The following PRRC2B variants were observed in gnomAD, a reference collection of about 807,000 sequenced individuals.
PRRC2B encodes the protein proline rich coiled-coil 2B.
In PRRC2B, 68 loss-of-function variants were observed where a neutral mutation model predicts 242.3. The ratio of observed to expected loss-of-function variants is 0.28; its 90% CI spans 0.23 to 0.34. The LOEUF (loss-of-function observed/expected upper bound fraction) is 0.34. Among genes scored for constraint, PRRC2B ranks in the 10% least tolerant of loss-of-function variants. The pLI, the probability that PRRC2B is intolerant of heterozygous loss-of-function variation, is 1.00. For missense variants in PRRC2B, 2,835 were observed against 2,954.8 expected (o/e 0.96, Z 0.94); for synonymous variants, 1,228 against 1,173.6 (o/e 1.05, Z -0.95).
At chr9:131,381,621 G>T (rs1343632730) in intron 1 of PRRC2B, among the ~76,000 whole-genome samples, 1 of 151,928 alleles carries the variant, frequency 6.6e-6, no homozygotes, top group Non-Finnish European at 1.5e-5. Context: ...GGGTTTCACC[G>T]TGTTAGCCAG....
intron 1 of PRRC2B, among the ~76,000 whole-genome samples, chr9:131,406,381 G>A (rs1191751710): frequency 6.6e-6 from 1 of 152,178 alleles, no homozygotes; most frequent in Non-Finnish European, 1.5e-5. Flanking sequence ...CCTGTGTCTA[G>A]TCTGTTGTGT....
At chr9:131,478,784 C>G (rs1030770970) in intron 18 of PRRC2B, among the ~76,000 whole-genome samples, 165 bp downstream of exon 18, 1 of 152,106 alleles carries the variant, frequency 6.6e-6, no homozygotes, top group African/African-American at 2.4e-5. Context: ...CCTGCTATTA[C>G]CAAGGCCCTT....
At chr9:131,456,112 C>T (rs558542036) in intron 10 of PRRC2B, among the ~76,000 whole-genome samples, 1 of 147,292 alleles carries the variant, frequency 6.8e-6, no homozygotes, top group African/African-American at 2.5e-5. Flanking sequence ...AACTCTGTCT[C>T]AAAGGAAAAA....
In PRRC2B at chr9:131,484,668, C is replaced by T. The variant is rs764081654; in HGVS notation, c.5461-18C>T. The T allele has an allele frequency of 4.4e-6, 7 of 1,579,906 alleles. No homozygotes were observed. The South Asian group carries it at 4.6e-5, about 10-fold the overall frequency. On this transcript the variant is annotated intron_variant, in intron 23 of 31. Coordinates refer to ENST00000683519, the MANE Select transcript of PRRC2B (RefSeq NM_013318.4). ...TGCACCTGTTTGTGTTCCATGGTTT[C>T]CTTTTCCTCCTCTCCAGGCAGGGTT...
At chr9:131,476,998 G>A (rs1270206977) in intron 16 of PRRC2B, among the ~76,000 whole-genome samples, 1 of 152,228 alleles carries the variant, frequency 6.6e-6, no homozygotes, top group African/African-American at 2.4e-5. Flanking sequence ...AGGAGACGTG[G>A]CCCCACGGTG....
chr9:131,421,706 A>G (rs1235965833), intron 1 of PRRC2B, among the ~76,000 whole-genome samples: 1 of 152,184 alleles, frequency 6.6e-6, no homozygotes, highest in African/African-American at 2.4e-5. Context: ...TGAAATCTCT[A>G]GGTGCCCACA....
At chr9:131,440,664 A>G (rs559269706) in intron 5 of PRRC2B, among the ~76,000 whole-genome samples, 1 of 152,364 alleles carries the variant, frequency 6.6e-6, no homozygotes, top group Admixed American at 6.5e-5. Flanking sequence ...GATTGCAAAC[A>G]GTCCCTTGAA....
rs1010086722 is a variant in PRRC2B at position 131,446,724 on chromosome 9, C to G, written c.855+82C>G. ...ATAGGTCAAGTGGTTGAATGTCCCC[C>G]TTGGGGTCTCCTCTTGGCCCTGTTA... is the stretch of plus-strand genomic sequence containing the variant. On this transcript the variant is annotated intron_variant, in intron 7 of 31. Coordinates refer to ENST00000683519, the MANE Select transcript of PRRC2B (RefSeq NM_013318.4). The surrounding 1 kb of genome is among the most constrained non-coding windows in gnomAD (Gnocchi z 4.1). 6 of 1,502,536 alleles carry G rather than the reference C, an allele frequency of 4.0e-6. No homozygotes were observed. The highest frequency in any genetic ancestry group is 3.6e-5 in the Admixed American group (2 of 55,664). The allele number at this position is 1,502,536 out of a possible 1,614,324, so 93.1% of individuals were successfully genotyped here.
intron 28 of PRRC2B, among the ~76,000 whole-genome samples, chr9:131,490,255 GC>G (rs1944150969): frequency 1.3e-5 from 2 of 149,396 alleles, no homozygotes; most frequent in East Asian, 4.0e-4. Context: ...CCTTCAGCAG[GC>G]CTGTCAGCTC....
intron 1 of PRRC2B, among the ~76,000 whole-genome samples, chr9:131,415,845 C>G (rs562558408): frequency 2.0e-3 from 309 of 152,264 alleles, no homozygotes; most frequent in Non-Finnish European, 3.3e-3. Context: ...CTTTTTATAT[C>G]CATTGTTCTG....
rs1564301735 is a variant in PRRC2B at position 131,487,119 on chromosome 9, T to G, written c.5857-48T>G. 1.3e-6 allele frequency: 2 copies of G among 1,597,944 alleles called. No homozygotes were observed. Among genetic ancestry groups the G allele is most frequent in the Non-Finnish European group, 8.6e-7 (1 of 1,169,564 alleles). On this transcript the variant is annotated intron_variant, in intron 26 of 31. Coordinates refer to ENST00000683519, the MANE Select transcript of PRRC2B (RefSeq NM_013318.4). The surrounding 1 kb of genome is among the most constrained non-coding windows in gnomAD (Gnocchi z 5.3). ...GGGAGGTGGGAGGGGAAGAACCACC[T>G]GGATGGGCCTTGCGGTTACCTCCCC...
At chr9:131,452,091 ATTTTTGTAAGATCAGTATAAGATT>A (rs1942939620) in intron 9 of PRRC2B, among the ~76,000 whole-genome samples, 1 of 4,166 alleles carries the variant, frequency 2.4e-4, no homozygotes, top group Non-Finnish European at 1.5e-3. Flanking sequence ...TAAGATTGGT[ATTTTTGTAAGATCAGTATAAGATT>A]GGTATTTTTG....
intron 20 of PRRC2B, 113 bp downstream of exon 20, chr9:131,481,921 A>G: frequency 1.0e-6 from 1 of 967,810 alleles, no homozygotes; most frequent in South Asian, 1.4e-5. Flanking sequence ...ACAGCAGCTG[A>G]GCTTGGAATT....
intron 12 of PRRC2B, among the ~76,000 whole-genome samples, chr9:131,466,512 T>G (rs1342029841): frequency 6.6e-6 from 1 of 152,230 alleles, no homozygotes; most frequent in Non-Finnish European, 1.5e-5. Context: ...TTTTTTCCTT[T>G]ATATCCTTGC....
chr9:131,464,748 A>G lies in PRRC2B; in HGVS notation c.1405-15A>G. ...CCGGACCCACCGCCTTATCTCAGAGACATTCTCTTGGCAGAAGTCATCAAT... is the reference window on the plus strand; with the variant it reads ...CCGGACCCACCGCCTTATCTCAGAGGCATTCTCTTGGCAGAAGTCATCAAT... On this transcript the variant is annotated splice_polypyrimidine_tract_variant and intron_variant, in intron 11 of 31. Transcript: ENST00000683519. 1 of 1,562,568 alleles carries G rather than the reference A, an allele frequency of 6.4e-7. No individual in the cohort carries two copies. Among genetic ancestry groups the G allele is most frequent in the Non-Finnish European group, 8.7e-7 (1 of 1,152,034 alleles).
rs1353155142 is a variant in PRRC2B at position 131,388,113 on chromosome 9, G to A, written c.-56+14382G>A. Reference sequence around the variant, plus strand: ...AGAATCATTTGAACGCATTGTGGGCGGGGGGCCGAGGTTGCAGTGAGCCGA... The same window carrying A: ...AGAATCATTTGAACGCATTGTGGGCAGGGGGCCGAGGTTGCAGTGAGCCGA... On this transcript the variant is annotated intron_variant, in intron 1 of 1. Coordinates refer to the PRRC2B transcript ENST00000682525. 1.3e-5 allele frequency among the ~76,000 whole-genome samples: 2 copies of A among 149,640 alleles called. 1 individual carries two copies. Among genetic ancestry groups the A allele is most frequent in the Non-Finnish European group, 3.0e-5 (2 of 67,284 alleles).
Position 131,487,175 on chromosome 9 carries a change from T to C in PRRC2B, c.5865T>C (p.Ala1955=), listed in dbSNP as rs1944048014. The change falls in exon 27 of 32, where the codon GCT becomes GCC. Residue 1955 remains alanine (A), a synonymous_variant. Coordinates refer to ENST00000683519, the MANE Select transcript of PRRC2B (RefSeq NM_013318.4). The surrounding 1 kb of genome is among the most constrained non-coding windows in gnomAD (Gnocchi z 5.3). ...PQQQSYQQAA[A]AQQIPISLHT... Reference sequence around the variant, plus strand: ...CGTTTTCCCGTTCACAGGCCGCCGCTGCCCAGCAGATCCCGATCTCCCTTC... The same window carrying C: ...CGTTTTCCCGTTCACAGGCCGCCGCCGCCCAGCAGATCCCGATCTCCCTTC... The C allele has an allele frequency of 6.2e-7, 1 of 1,613,742 alleles. No homozygotes were observed. The highest frequency in any genetic ancestry group is 8.5e-7 in the Non-Finnish European group (1 of 1,179,772).
At chr9:131,426,813 C>T (rs1056516306) in intron 1 of PRRC2B, among the ~76,000 whole-genome samples, 9 of 152,214 alleles carry the variant, frequency 5.9e-5, no homozygotes, top group Non-Finnish European at 1.3e-4. Context: ...GTACATTCAG[C>T]ATCCTTGGGC....
At position 131,467,677 on chromosome 9, in the gene PRRC2B, G is replaced by T; in HGVS notation, c.1835G>T (p.Gly612Val). 1 of 1,613,954 alleles carries T rather than the reference G, an allele frequency of 6.2e-7. No homozygotes were observed. The part of the protein sequence containing the change: ...NSSEEEAREA[G>V]SPAQEFKYQK... ...AGTGAGGAAGAGGCCAGAGAGGCTG[G>T]GTCCCCTGCACAGGAGTTCAAGTAT... Residue 612 changes from glycine (G) to valine (V), a missense_variant, in exon 13 of 32, where the codon GGG becomes GTG. Transcript: ENST00000683519.
Sources: allele counts gnomAD v4.1 joint callset (sites outside exome capture counted in the v4.1 genomes callset), GRCh38; gene constraint gnomAD v4.1.1; non-coding constraint Gnocchi (gnomAD v3.1); transcripts MANE v1.5; gene names NCBI Gene and HGNC (gene_info 2026-07-23, HGNC 2026-07-21).